Variants in CDKL1 observed in about 807,000 individuals in gnomAD.
CDKL1 encodes the protein cyclin dependent kinase like 1.
A neutral mutation model predicts 42.0 loss-of-function variants in CDKL1; 41 were observed. The ratio of observed to expected loss-of-function variants is 0.98; its 90% CI spans 0.76 to 1.27. The LOEUF (loss-of-function observed/expected upper bound fraction) is 1.27, where lower values mean the gene tolerates loss of function less well. Among genes scored for constraint, CDKL1 ranks in the 50% most tolerant of loss-of-function variants. CDKL1 has a pLI of 0.00. For missense variants in CDKL1, 394 were observed against 428.4 expected, an observed-to-expected ratio of 0.92 and a Z score of 0.71; for synonymous variants, 153 against 158.6, an observed-to-expected ratio of 0.96 and a Z score of 0.26.
At chr14:50,346,586 A>G (rs116755238) in intron 3 of CDKL1, among the ~76,000 whole-genome samples, 137 of 151,594 alleles carry the variant, frequency 9.0e-4, no homozygotes, top group African/African-American at 3.2e-3. Flanking sequence ...CAGCCTTCCC[A>G]GTAGCCTCTA....
intron 2 of CDKL1, among the ~76,000 whole-genome samples, chr14:50,393,333 C>T (rs1194716286): frequency 6.6e-6 from 1 of 152,228 alleles, no homozygotes; most frequent in African/African-American, 2.4e-5. Flanking sequence ...AGCTGAGCTT[C>T]TGAAAGACAG....
chr14:50,391,195 T>C (rs983013550), intron 2 of CDKL1, among the ~76,000 whole-genome samples: 2 of 152,150 alleles, frequency 1.3e-5, no homozygotes, highest in Admixed American at 1.3e-4. Context: ...TAATCTGACT[T>C]CTGTTATGAC....
At chr14:50,380,812 T>TTTTTTTTTTTTTTG (rs1447417583) in intron 2 of CDKL1, among the ~76,000 whole-genome samples, 2 of 150,484 alleles carry the variant, frequency 1.3e-5, no homozygotes, top group Non-Finnish European at 3.0e-5. Context: ...CTTTTTTTTT[T>TTTTTTTTTTTTTTG]GGGACAGAGC....
chr14:50,385,786 A>T (rs917447138), intron 2 of CDKL1, among the ~76,000 whole-genome samples: 5 of 147,318 alleles, frequency 3.4e-5, no homozygotes, highest in African/African-American at 7.6e-5. Flanking sequence ...CCTAGGCAAC[A>T]GAGCAAGACT....
At chr14:50,335,169 G>A (rs1196252351) in intron 7 of CDKL1, among the ~76,000 whole-genome samples, 12 of 151,648 alleles carry the variant, frequency 7.9e-5, no homozygotes, top group South Asian at 2.1e-4. Context: ...GGTGGTGTGC[G>A]CCTCTAGTAC....
At chr14:50,391,021 G>T (rs1338699159) in intron 2 of CDKL1, among the ~76,000 whole-genome samples, 3 of 152,092 alleles carry the variant, frequency 2.0e-5, no homozygotes, top group Non-Finnish European at 4.4e-5. Flanking sequence ...TTTTTGTAGA[G>T]ATGGGGTTTC....
intron 2 of CDKL1, among the ~76,000 whole-genome samples, chr14:50,359,955 A>C (rs1595317906): frequency 6.6e-6 from 1 of 152,004 alleles, no homozygotes; most frequent in Non-Finnish European, 1.5e-5. Flanking sequence ...AGAGACTTAC[A>C]CTAAGAAAGA....
chr14:50,347,403 A>G (rs556677207), intron 3 of CDKL1, among the ~76,000 whole-genome samples: 3 of 152,334 alleles, frequency 2.0e-5, no homozygotes, highest in African/African-American at 7.2e-5. Context: ...ATCACCTTAT[A>G]TAGGATGGCC....
chr14:50,391,473 C>T (rs1044234356), intron 2 of CDKL1, among the ~76,000 whole-genome samples: 6 of 152,156 alleles, frequency 3.9e-5, no homozygotes, highest in African/African-American at 1.4e-4. Flanking sequence ...GCCTCTGCCT[C>T]CCGGGTTCAA....
chr14:50,353,500 ACT>A (rs2033964551), intron 3 of CDKL1, among the ~76,000 whole-genome samples: 1 of 144,324 alleles, frequency 6.9e-6, no homozygotes, highest in Admixed American at 7.1e-5. Flanking sequence ...GTCTGGCCAA[ACT>A]CTTGTAAAAA....
At chr14:50,352,291 A>G (rs1468374004) in intron 3 of CDKL1, among the ~76,000 whole-genome samples, 1 of 152,218 alleles carries the variant, frequency 6.6e-6, no homozygotes, top group African/African-American at 2.4e-5. Context: ...TCATACATCA[A>G]ATATTTTAAT....
intron 7 of CDKL1, among the ~76,000 whole-genome samples, chr14:50,338,611 G>T (rs1166445870): frequency 6.6e-6 from 1 of 152,100 alleles, no homozygotes. Flanking sequence ...CAATGCTGGG[G>T]AAAAACTAGT....
At chr14:50,363,679 A>T (rs568695168) in intron 2 of CDKL1, among the ~76,000 whole-genome samples, 3 of 152,280 alleles carry the variant, frequency 2.0e-5, no homozygotes, top group East Asian at 1.9e-4. Context: ...GGCTCTTCTA[A>T]CAAAAGTAGA....
At chr14:50,379,064 T>C (rs1328169286) in intron 2 of CDKL1, among the ~76,000 whole-genome samples, 2 of 152,072 alleles carry the variant, frequency 1.3e-5, no homozygotes, top group Non-Finnish European at 2.9e-5. Context: ...GTTGGCCAGT[T>C]TGGTAACAAA....
At chr14:50,382,365 T>G (rs1054777914) in intron 2 of CDKL1, among the ~76,000 whole-genome samples, 1 of 152,030 alleles carries the variant, frequency 6.6e-6, no homozygotes, top group Non-Finnish European at 1.5e-5. Flanking sequence ...AGGTAGGAAT[T>G]GCGTGAACCC....
chr14:50,370,585 C>A (rs1340348897), intron 2 of CDKL1, among the ~76,000 whole-genome samples: 1 of 152,134 alleles, frequency 6.6e-6, no homozygotes, highest in Non-Finnish European at 1.5e-5. Context: ...CTATAAATAC[C>A]TGAGACTGGG....
At chr14:50,377,803 C>T in intron 2 of CDKL1, 4 of 963,302 alleles carry the variant, frequency 4.2e-6, no homozygotes, top group South Asian at 3.9e-5. Context: ...CTTGTTAACA[C>T]CTATAAATCA....
intron 2 of CDKL1, among the ~76,000 whole-genome samples, chr14:50,388,540 T>A (rs1310310220): frequency 6.6e-6 from 1 of 152,210 alleles, no homozygotes; most frequent in Non-Finnish European, 1.5e-5. Flanking sequence ...CACAGCACTA[T>A]GTTAAAATCC....
intron 3 of CDKL1, among the ~76,000 whole-genome samples, chr14:50,351,253 G>C (rs893279226): frequency 1.3e-5 from 2 of 151,914 alleles, no homozygotes; most frequent in Non-Finnish European, 2.9e-5. Context: ...AAATGCGGCA[G>C]GAATTACAAG....
Sources: gnomAD v4.1 joint callset for allele counts (sites outside exome capture counted in the v4.1 genomes callset) on GRCh38, gnomAD v4.1.1 for gene constraint, MANE v1.5 for transcripts, NCBI Gene and HGNC (gene_info 2026-07-23, HGNC 2026-07-21) for gene names.